UBE2F: variants seen among roughly 807,000 people sequenced by gnomAD.
UBE2F encodes ubiquitin conjugating enzyme E2 F (putative), also known as NEDD8-conjugating enzyme UBE2F.
In UBE2F, 5 loss-of-function variants were observed where a neutral mutation model predicts 29.6. The observed-to-expected ratio is 0.17, with a 90% confidence interval of 0.09 to 0.36. The LOEUF (loss-of-function observed/expected upper bound fraction) is 0.36, where lower values mean the gene tolerates loss of function less well. Among genes scored for constraint, UBE2F ranks in the 10% least tolerant of loss-of-function variants. The probability of loss-of-function intolerance (pLI) is 1.00; values close to 1 mark genes in which losing one functional copy is unlikely to be tolerated. For missense variants in UBE2F, 141 were observed against 228.5 expected (o/e 0.62, Z 2.47); for synonymous variants, 66 against 81.8 (o/e 0.81, Z 1.04).
At chr2:237,995,954 A>G (rs1326723573) in intron 4 of UBE2F, among the ~76,000 whole-genome samples, 5 of 152,126 alleles carry the variant, frequency 3.3e-5, no homozygotes, top group African/African-American at 1.2e-4. Flanking sequence ...TATTAGCTGT[A>G]CTTTATGCCA....
intron 3 of UBE2F, among the ~76,000 whole-genome samples, chr2:237,991,609 C>CTTTCTTTATTTTTTTTTTTT (rs57180067): frequency 1.9e-5 from 1 of 53,052 alleles, no homozygotes; most frequent in Non-Finnish European, 3.5e-5. Context: ...TTCTTTCTTT[C>CTTTCTTTATTTTTTTTTTTT]TTTTTTTTTT....
intron 5 of UBE2F, among the ~76,000 whole-genome samples, chr2:238,020,558 G>T: frequency 6.6e-6 from 1 of 152,180 alleles, no homozygotes; most frequent in East Asian, 1.9e-4. Context: ...TGCAGTGAAG[G>T]TCTGTTATTA....
At position 237,994,732 on chromosome 2, in the gene UBE2F, T is replaced by C; in HGVS notation, c.149-12T>C. ...ACTGCCAGACCTTCCTGATGTGCTG[T>C]TTCTTTTGCAGGTACATGTAAAGTG... is the stretch of plus-strand genomic sequence containing the variant. On this transcript the variant is annotated splice_polypyrimidine_tract_variant and intron_variant, in intron 3 of 9. Transcript: ENST00000272930. The C allele has an allele frequency of 6.2e-7, 1 of 1,613,648 alleles. No individual in the cohort carries two copies. The highest frequency in any genetic ancestry group is 1.1e-5 in the South Asian group (1 of 91,058).
chr2:238,038,309 GGT>G (rs575479719), intron 9 of UBE2F, among the ~76,000 whole-genome samples: 38 of 152,342 alleles, frequency 2.5e-4, no homozygotes, highest in African/African-American at 8.2e-4. Flanking sequence ...AAGTAGCAGG[GGT>G]GTGAGGCAGC....
At chr2:237,976,286 G>A (rs1316962814) in intron 2 of UBE2F, among the ~76,000 whole-genome samples, 1 of 152,222 alleles carries the variant, frequency 6.6e-6, no homozygotes, top group Non-Finnish European at 1.5e-5. Context: ...AGGAGTTGCA[G>A]CAAGGAGGGC....
At chr2:238,024,327 A>G (rs914074460) in intron 5 of UBE2F, among the ~76,000 whole-genome samples, 4 of 152,148 alleles carry the variant, frequency 2.6e-5, no homozygotes, top group African/African-American at 9.7e-5. Context: ...TAACAGAGAA[A>G]TCTGTTTGGT....
intron 2 of UBE2F, among the ~76,000 whole-genome samples, chr2:237,975,162 C>T (rs1001054384): frequency 4.0e-5 from 6 of 151,400 alleles, no homozygotes; most frequent in African/African-American, 1.2e-4. Flanking sequence ...AGTGCAGTGG[C>T]GTAATCATGG....
rs886068631 is a variant in UBE2F at position 238,040,583 on chromosome 2, A to G, written c.508-705A>G. Among the ~76,000 whole-genome samples the G allele has an allele frequency of 6.6e-6, 1 of 152,154 alleles. No individual in the cohort carries two copies. The highest frequency in any genetic ancestry group is 1.5e-5 in the Non-Finnish European group (1 of 68,016). ...GAGCTCCAAGTCATTCTTACGGCTC[A>G]TACAGTCCCATGGGATTTTACTCCT... On this transcript the variant is annotated intron_variant, in intron 9 of 9. Coordinates refer to ENST00000272930, the MANE Select transcript of UBE2F (RefSeq NM_080678.3). The surrounding 1 kb of genome is among the most constrained non-coding windows in gnomAD (Gnocchi z 4.4).
intron 4 of UBE2F, among the ~76,000 whole-genome samples, chr2:238,009,213 C>G (rs2106373653): frequency 6.6e-6 from 1 of 152,230 alleles, no homozygotes; most frequent in South Asian, 2.1e-4. Flanking sequence ...GTGGTTTTTT[C>G]TTTTTATCAC....
intron 6 of UBE2F, among the ~76,000 whole-genome samples, chr2:238,026,754 T>C (rs1455546698): frequency 6.6e-6 from 1 of 152,134 alleles, no homozygotes; most frequent in East Asian, 1.9e-4. Context: ...TCTTCACAAG[T>C]ACAGTTAGTG....
chr2:237,996,130 C>T (rs2063687284), intron 4 of UBE2F, among the ~76,000 whole-genome samples: 2 of 152,198 alleles, frequency 1.3e-5, no homozygotes, highest in African/African-American at 4.8e-5. Context: ...AGGTATTGAG[C>T]ACACTCTAAT....
At chr2:238,035,641 A>G (rs975820905) in intron 8 of UBE2F, 12 of 467,588 alleles carry the variant, frequency 2.6e-5, no homozygotes, top group Non-Finnish European at 3.8e-5. Context: ...TTGTAGAACT[A>G]CATGTCAACA....
chr2:237,972,546 T>A (rs71414319), intron 1 of UBE2F, among the ~76,000 whole-genome samples: 37,306 of 125,976 alleles, frequency 0.3, 6,227 homozygotes, highest in Non-Finnish European at 0.33. Flanking sequence ...TTTAAATTTT[T>A]TTTTTTTTTT....
intron 3 of UBE2F, chr2:237,990,314 TA>T: frequency 2.4e-6 from 1 of 414,130 alleles, no homozygotes. Flanking sequence ...ATTTTCCTAA[TA>T]AAAATAAAAT....
At chr2:238,019,430 C>T (rs529202557) in intron 5 of UBE2F, among the ~76,000 whole-genome samples, 1 of 152,062 alleles carries the variant, frequency 6.6e-6, no homozygotes, top group African/African-American at 2.4e-5. Flanking sequence ...CAGGCTAGCA[C>T]GATTTCAGCT....
intron 4 of UBE2F, among the ~76,000 whole-genome samples, chr2:238,005,711 ATATG>A (rs1267110980): frequency 1.3e-5 from 2 of 151,724 alleles, no homozygotes; most frequent in Non-Finnish European, 2.9e-5. Context: ...TTACATGACT[ATATG>A]TGTGTGGGTG....
chr2:237,978,180 G>A (rs1172330490), intron 2 of UBE2F, among the ~76,000 whole-genome samples: 1 of 152,222 alleles, frequency 6.6e-6, no homozygotes, highest in African/African-American at 2.4e-5. Flanking sequence ...CAGGTGTGGT[G>A]TGGAGTGCAG....
At position 237,997,340 on chromosome 2, in the gene UBE2F, C is replaced by T. The variant is rs554434331; in HGVS notation, c.214+2531C>T. Among the ~76,000 whole-genome samples the T allele has an allele frequency of 2.4e-4, 37 of 152,274 alleles. 1 individual carries two copies. Among genetic ancestry groups the T allele is most frequent in the Middle Eastern group, 3.4e-3 (1 of 294 alleles). ...AGGGACATTAACATTGAGCTGTGCACAGCATGCTTTTTAGATACTGTGTAT... is the reference window on the plus strand; with the variant it reads ...AGGGACATTAACATTGAGCTGTGCATAGCATGCTTTTTAGATACTGTGTAT... On this transcript the variant is annotated intron_variant, in intron 4 of 9. Coordinates refer to ENST00000272930, the MANE Select transcript of UBE2F (RefSeq NM_080678.3).
In UBE2F at chr2:237,968,381, C is replaced by T. The variant is rs146098623; in HGVS notation, c.-17+1249C>T. Among the ~76,000 whole-genome samples, 441 of 152,260 alleles carry T rather than the reference C, an allele frequency of 2.9e-3. 1 individual carries two copies. Among genetic ancestry groups the T allele is most frequent in the African/African-American group, 0.01 (425 of 41,534 alleles). On this transcript the variant is annotated intron_variant, in intron 1 of 9. Coordinates refer to ENST00000272930, the MANE Select transcript of UBE2F (RefSeq NM_080678.3). Reference sequence around the variant, plus strand: ...TCGGTCAACCAGCGTACTCCTGTGCCGAGCAGGAGGTTCCTGGGCACTGGC... The same window carrying T: ...TCGGTCAACCAGCGTACTCCTGTGCTGAGCAGGAGGTTCCTGGGCACTGGC...
Sources: allele counts gnomAD v4.1 joint callset (sites outside exome capture counted in the v4.1 genomes callset), GRCh38; gene constraint gnomAD v4.1.1; non-coding constraint Gnocchi (gnomAD v3.1); transcripts MANE v1.5; gene names NCBI Gene and HGNC (gene_info 2026-07-23, HGNC 2026-07-21).